SRGAP1: variants seen among roughly 807,000 people sequenced by gnomAD.
The protein encoded by SRGAP1 is SLIT-ROBO Rho GTPase activating protein 1.
Under a neutral mutation model 121.9 loss-of-function variants are expected in SRGAP1, and 43 were observed. That is an observed-to-expected ratio of 0.35 (90% CI 0.28 to 0.46). The LOEUF is 0.46. Ranked by LOEUF, SRGAP1 falls within the 20% of genes least tolerant of loss-of-function variation. The pLI is 1.00. For synonymous variants in SRGAP1, 447 were observed against 485.4 expected, an observed-to-expected ratio of 0.92 and a Z score of 1.04; for missense variants, 1,102 against 1,350.9, an observed-to-expected ratio of 0.82 and a Z score of 2.89.
intron 1 of SRGAP1, among the ~76,000 whole-genome samples, chr12:63,930,857 A>G (rs1005211843): frequency 7.2e-5 from 11 of 152,234 alleles, no homozygotes; most frequent in African/African-American, 2.7e-4. Context: ...ACATTAAAAG[A>G]TGAATATGGC....
At chr12:63,937,915 C>T (rs889629525) in intron 1 of SRGAP1, among the ~76,000 whole-genome samples, 2 of 152,226 alleles carry the variant, frequency 1.3e-5, no homozygotes, top group African/African-American at 4.8e-5. Flanking sequence ...TGTCCAGAAG[C>T]GCCCCGTGGC....
rs566096286 is a variant in SRGAP1, at chr12:64,144,212, T to C, written c.*1540T>C. On this transcript the variant is annotated 3_prime_UTR_variant, in exon 22 of 22. Transcript: ENST00000355086. ...TATGAGCATTTTATCTATTCTATCA[T>C]TGAAGTTACTGATAAAGATTTTTGT... 4 of 117,596 alleles carry C rather than the reference T, an allele frequency of 3.4e-5. No homozygotes were observed. In the Admixed American group the frequency reaches 3.5e-4, roughly 10 times the overall value. The allele number at this position is 117,596 out of a possible 1,614,324, so 7.3% of individuals were successfully genotyped here. A position where few individuals can be genotyped will look rare whatever the true frequency, so the allele number is the denominator to read the frequency against.
chr12:64,108,003 C>T lies in SRGAP1; in HGVS notation c.1814-929C>T, dbSNP rs185974033. ...AGTCCCAGGTCTGCCTCTTCTAGCC[C>T]GCTGACCTTGGGTATGCCACTTGCC... On this transcript the variant is annotated intron_variant, in intron 15 of 21. Transcript: ENST00000355086. Among the ~76,000 whole-genome samples the T allele has an allele frequency of 1.1e-4, 17 of 152,252 alleles. No individual in the cohort carries two copies. In the East Asian group the frequency reaches 2.7e-3, roughly 24 times the overall value.
In SRGAP1 at chr12:64,080,277, C is replaced by G. The variant is rs1211185048; in HGVS notation, c.1324-9C>G. 1.9e-6 allele frequency: 3 copies of G among 1,596,538 alleles called. No individual in the cohort carries two copies. Among genetic ancestry groups the G allele is most frequent in the Non-Finnish European group, 2.6e-6 (3 of 1,173,758 alleles). On this transcript the variant is annotated splice_polypyrimidine_tract_variant and intron_variant, in intron 9 of 21. Transcript: ENST00000355086. ...AAAAAGATTTAAAAATTATTCTTGC[C>G]TTTTGCAGAAACTCAGAGAATATTT...
intron 18 of SRGAP1, among the ~76,000 whole-genome samples, chr12:64,122,839 G>A (rs1432124137): frequency 6.6e-6 from 1 of 152,042 alleles, no homozygotes; most frequent in Non-Finnish European, 1.5e-5. Context: ...CAGAGGTTGT[G>A]GTGAGCCAAG....
At chr12:63,917,401 G>C (rs1023297827) in intron 1 of SRGAP1, among the ~76,000 whole-genome samples, 2 of 152,120 alleles carry the variant, frequency 1.3e-5, no homozygotes, top group Non-Finnish European at 2.9e-5. Flanking sequence ...CCTGGGTCTT[G>C]GCTAGAGTCC....
chr12:63,941,998 A>G (rs10784374), intron 1 of SRGAP1, among the ~76,000 whole-genome samples: 49,341 of 151,938 alleles, frequency 0.32, 8,568 homozygotes, highest in East Asian at 0.52. Flanking sequence ...AATTCTGTTT[A>G]AAACAAGAGG....
intron 15 of SRGAP1, among the ~76,000 whole-genome samples, chr12:64,098,158 C>T (rs566746652): frequency 1.3e-5 from 2 of 152,106 alleles, no homozygotes; most frequent in African/African-American, 4.8e-5. Flanking sequence ...ACAGTCCCTC[C>T]ACCCCCCATC....
At chr12:64,062,300 G>C (rs1036084904) in intron 6 of SRGAP1, among the ~76,000 whole-genome samples, 2 of 152,136 alleles carry the variant, frequency 1.3e-5, no homozygotes, top group African/African-American at 4.8e-5. Flanking sequence ...GTGATATTAA[G>C]CATCTCCTCA....
intron 1 of SRGAP1, among the ~76,000 whole-genome samples, chr12:63,946,935 GA>G (rs989855645): frequency 1.3e-5 from 2 of 152,002 alleles, no homozygotes. Context: ...ACTTAGCAAA[GA>G]TTTTTTTTTT....
At chr12:63,863,854 G>A (rs1474786115) in intron 1 of SRGAP1, among the ~76,000 whole-genome samples, 1 of 152,212 alleles carries the variant, frequency 6.6e-6, no homozygotes, top group Non-Finnish European at 1.5e-5. Flanking sequence ...CATGGTGGAA[G>A]ATTTATGGAC....
At chr12:64,060,454 C>T (rs1356402482) in intron 6 of SRGAP1, among the ~76,000 whole-genome samples, 3 of 152,108 alleles carry the variant, frequency 2.0e-5, no homozygotes, top group African/African-American at 7.2e-5. Flanking sequence ...GCAGTCCTCC[C>T]ACCTTGGCCC....
chr12:64,097,332 CCT>C lies in SRGAP1; in HGVS notation c.1773_1774del (p.Phe592SerfsTer2), dbSNP rs753843995. ...KLYFRGLENPLFPKERFNDLI... is the reference protein window; with the variant it reads ...KLYFRGLENPXFPKERFNDLI... ...TCTATTTCCGTGGGCTGGAAAACCC[CCT>C]CTTTCCTAAGGAAAGATTTAACGAT... On this transcript the variant is annotated frameshift_variant, in exon 15 of 22. Coordinates refer to ENST00000355086, the MANE Select transcript of SRGAP1 (RefSeq NM_020762.4). LOFTEE classifies it high-confidence loss of function. 2 of 1,613,444 alleles carry C rather than the reference CCT, an allele frequency of 1.2e-6. No homozygotes were observed. The highest frequency in any genetic ancestry group is 1.1e-5 in the South Asian group (1 of 90,996).
chr12:64,036,021 T>G (rs1300957352), intron 4 of SRGAP1, among the ~76,000 whole-genome samples: 4 of 152,180 alleles, frequency 2.6e-5, no homozygotes, highest in African/African-American at 9.7e-5. Flanking sequence ...ACTTAAGAAT[T>G]GATGGCACTG....
At chr12:63,859,215 A>G (rs1899360038) in intron 1 of SRGAP1, among the ~76,000 whole-genome samples, 1 of 152,114 alleles carries the variant, frequency 6.6e-6, no homozygotes, top group Non-Finnish European at 1.5e-5. Context: ...TCTGTCATCC[A>G]GGCTGGCATT....
chr12:63,878,705 G>T (rs1051309228), intron 1 of SRGAP1: 2 of 152,192 alleles, frequency 1.3e-5, no homozygotes, highest in Non-Finnish European at 2.9e-5. Context: ...TAATTGAGTA[G>T]ATTTTGAGTT....
intron 1 of SRGAP1, among the ~76,000 whole-genome samples, chr12:63,884,061 T>C (rs1254932816): frequency 6.6e-6 from 1 of 150,736 alleles, no homozygotes; most frequent in Non-Finnish European, 1.5e-5. Flanking sequence ...GGCGGGCGGA[T>C]CACTTGAGGT....
intron 6 of SRGAP1, among the ~76,000 whole-genome samples, chr12:64,048,880 T>G (rs2035184748): frequency 6.6e-6 from 1 of 152,226 alleles, no homozygotes; most frequent in Non-Finnish European, 1.5e-5. Flanking sequence ...TTGTTTGAGC[T>G]CCTTATATGC....
intron 6 of SRGAP1, among the ~76,000 whole-genome samples, chr12:64,057,467 G>T (rs1033542536): frequency 4.6e-5 from 7 of 152,134 alleles, no homozygotes; most frequent in African/African-American, 1.7e-4. Flanking sequence ...TAGGAAAATA[G>T]AGAAGGTCAA....
Sources: gnomAD v4.1 joint callset for allele counts (sites outside exome capture counted in the v4.1 genomes callset) on GRCh38, gnomAD v4.1.1 for gene constraint, MANE v1.5 for transcripts, NCBI Gene and HGNC (gene_info 2026-07-23, HGNC 2026-07-21) for gene names.